Variants in GLDC observed in about 807,000 individuals in gnomAD.
GLDC encodes glycine dehydrogenase (decarboxylating), mitochondrial.
Under a neutral mutation model 121.3 loss-of-function variants are expected in GLDC, and 104 were observed. The observed-to-expected ratio is 0.86, with a 90% confidence interval of 0.73 to 1.01. The LOEUF is 1.01. Among genes scored for constraint, GLDC ranks in the 50% least tolerant of loss-of-function variants. The probability of loss-of-function intolerance (pLI) is 0.00; values close to 1 mark genes in which losing one functional copy is unlikely to be tolerated. For synonymous variants in GLDC, 546 were observed against 480.6 expected, an observed-to-expected ratio of 1.14 and a Z score of -1.78; for missense variants, 1,429 against 1,306.6, an observed-to-expected ratio of 1.09 and a Z score of -1.44.
intron 21 of GLDC, among the ~76,000 whole-genome samples, chr9:6,547,680 G>C (rs55736048): frequency 0.15 from 22,322 of 152,062 alleles, 1,942 homozygotes; most frequent in East Asian, 0.28. Context: ...GGATACTCAC[G>C]GCCACATTGT....
intron 22 of GLDC, among the ~76,000 whole-genome samples, chr9:6,539,003 A>T (rs1373164879): frequency 1.3e-5 from 2 of 151,656 alleles, no homozygotes; most frequent in East Asian, 3.9e-4. Context: ...CACACATGGG[A>T]TTCCCATTAT....
At chr9:6,594,069 C>G (rs1818439566) in intron 9 of GLDC, among the ~76,000 whole-genome samples, 1 of 152,130 alleles carries the variant, frequency 6.6e-6, no homozygotes, top group South Asian at 2.1e-4. Context: ...AAGCAATCCT[C>G]CTGGCTCAGC....
chr9:6,615,756 G>A (rs1202879142), intron 3 of GLDC, among the ~76,000 whole-genome samples: 1 of 152,018 alleles, frequency 6.6e-6, no homozygotes, highest in East Asian at 1.9e-4. Flanking sequence ...GATTACAGGT[G>A]CCTATCACTA....
At chr9:6,615,071 C>T (rs1382812883) in intron 3 of GLDC, among the ~76,000 whole-genome samples, 1 of 152,186 alleles carries the variant, frequency 6.6e-6, no homozygotes, top group Non-Finnish European at 1.5e-5. Context: ...GGATAAATAA[C>T]TAAACGTCGC....
At chr9:6,560,284 C>G (rs1385339023) in intron 16 of GLDC, among the ~76,000 whole-genome samples, 1 of 152,186 alleles carries the variant, frequency 6.6e-6, no homozygotes, top group Non-Finnish European at 1.5e-5. Context: ...TAAATCTTAG[C>G]TTACAGCTCT....
chr9:6,574,494 A>G (rs942361955), intron 15 of GLDC, among the ~76,000 whole-genome samples: 3 of 151,966 alleles, frequency 2.0e-5, no homozygotes, highest in Non-Finnish European at 4.4e-5. Flanking sequence ...AAAGAAAAAA[A>G]AAGAAAAGAA....
At chr9:6,558,468 G>A (rs1400442221) in intron 17 of GLDC, 91 bp downstream of exon 17, 2 of 1,421,526 alleles carry the variant, frequency 1.4e-6, no homozygotes, top group Admixed American at 1.7e-5. Context: ...TAGAATGCAA[G>A]AGAAGACATT....
At chr9:6,539,457 C>T (rs142339725) in intron 22 of GLDC, among the ~76,000 whole-genome samples, 140 of 152,128 alleles carry the variant, frequency 9.2e-4, no homozygotes, top group East Asian at 1.5e-3. Flanking sequence ...CCAGCCTGGG[C>T]GACAAAGTGA....
At chr9:6,586,193 G>A (rs920426376) in intron 15 of GLDC, among the ~76,000 whole-genome samples, 3 of 152,122 alleles carry the variant, frequency 2.0e-5, no homozygotes, top group Non-Finnish European at 2.9e-5. Flanking sequence ...TACTCGGGAG[G>A]CTGAGGCAGG....
In GLDC at chr9:6,606,575, C is replaced by G; in HGVS notation, c.713+17G>C. ...ATGACATTATACTGAGTTTAAAACA[C>G]GAATCAAATTAATTACTTGGCTCGA... On this transcript the variant is annotated intron_variant, in intron 5 of 24. Transcript: ENST00000321612. 6.8e-7 allele frequency: 1 copy of G among 1,463,428 alleles called. No homozygotes were observed. The highest frequency in any genetic ancestry group is 9.6e-7 in the Non-Finnish European group (1 of 1,042,958). The allele number at this position is 1,463,428 out of a possible 1,614,324, so 90.7% of individuals were successfully genotyped here.
At chr9:6,551,342 T>C (rs1817510292) in intron 20 of GLDC, among the ~76,000 whole-genome samples, 1 of 152,208 alleles carries the variant, frequency 6.6e-6, no homozygotes, top group African/African-American at 2.4e-5. Flanking sequence ...GTCTGGTTTA[T>C]TTTCCCATTG....
rs527841551 is a variant in GLDC, at chr9:6,548,306, G to A, written c.2569+2497C>T. On this transcript the variant is annotated intron_variant, in intron 21 of 24. Transcript: ENST00000321612. Reference sequence around the variant, plus strand: ...ATATACATTATTTATGTAATCTGATGAAATAAATATTGAAGCTATTCCTTA... The same window carrying A: ...ATATACATTATTTATGTAATCTGATAAAATAAATATTGAAGCTATTCCTTA... Among the ~76,000 whole-genome samples the A allele has an allele frequency of 3.9e-5, 6 of 152,280 alleles. No homozygotes were observed. The South Asian group carries it at 1.2e-3, about 32-fold the overall frequency.
Position 6,620,243 on chromosome 9 carries a change from G to C in GLDC, c.411C>G (p.Gly137=), listed in dbSNP as rs959435877. The C allele has an allele frequency of 6.2e-7, 1 of 1,613,068 alleles. No homozygotes were observed. Among genetic ancestry groups the C allele is most frequent in the Non-Finnish European group, 8.5e-7 (1 of 1,179,032 alleles). Residue 137 remains glycine, a synonymous_variant, in exon 3 of 25, where the codon GGC becomes GGG. Transcript: ENST00000321612. ...TCTGTGGCACTGAGCAGTTATAATAGCCCATGCCAATATACGATCTCCAGA... is the reference window on the plus strand; with the variant it reads ...TCTGTGGCACTGAGCAGTTATAATACCCCATGCCAATATACGATCTCCAGA... The part of the protein sequence containing the change: ...NQIWRSYIGM[G]YYNCSVPQTI...
chr9:6,612,953 G>A (rs1405422155), intron 3 of GLDC, among the ~76,000 whole-genome samples: 1 of 152,192 alleles, frequency 6.6e-6, no homozygotes, highest in Non-Finnish European at 1.5e-5. Context: ...GGTGACGGGA[G>A]TGAGACTCTG....
chr9:6,591,686 G>A (rs1974189), intron 11 of GLDC, among the ~76,000 whole-genome samples: 3,416 of 152,206 alleles, frequency 0.022, 118 homozygotes, highest in African/African-American at 0.078. Context: ...CTGGGTTGAA[G>A]CAATTCTCCC....
At chr9:6,612,742 G>A (rs10815453) in intron 3 of GLDC, among the ~76,000 whole-genome samples, 31,423 of 152,036 alleles carry the variant, frequency 0.21, 3,576 homozygotes, top group East Asian at 0.42. Context: ...CGTGCTTGTA[G>A]TCCCAGCTAC....
chr9:6,606,736 A>G, intron 4 of GLDC, 67 bp from the exon 5 acceptor site: 1 of 929,898 alleles, frequency 1.1e-6, no homozygotes, highest in Non-Finnish European at 1.8e-6. Context: ...CTAAGAACGC[A>G]AAGCAAACAT....
chr9:6,588,375 T>C, intron 14 of GLDC, 26 bp downstream of exon 14: 1 of 1,554,386 alleles, frequency 6.4e-7, no homozygotes, highest in Non-Finnish European at 8.9e-7. Context: ...TTGCTGAGTA[T>C]CCACTTACAG....
At chr9:6,616,609 C>A (rs1818971642) in intron 3 of GLDC, among the ~76,000 whole-genome samples, 1 of 152,168 alleles carries the variant, frequency 6.6e-6, no homozygotes, top group Non-Finnish European at 1.5e-5. Flanking sequence ...GAGTTTGACT[C>A]AATTAGGTAA....
Sources: gnomAD v4.1 joint callset for allele counts (sites outside exome capture counted in the v4.1 genomes callset) on GRCh38, gnomAD v4.1.1 for gene constraint, MANE v1.5 for transcripts, NCBI Gene and HGNC (gene_info 2026-07-23, HGNC 2026-07-21) for gene names.